Variants in SMAD3 observed in about 807,000 individuals in gnomAD.
SMAD3 encodes MAD homolog 3.
A neutral mutation model predicts 51.8 loss-of-function variants in SMAD3; 12 were observed. The ratio of observed to expected loss-of-function variants is 0.23; its 90% confidence interval spans 0.15 to 0.38. SMAD3 has a LOEUF of 0.38. SMAD3 is among the 10% of genes least tolerant of loss of function. The pLI, the probability that SMAD3 is intolerant of heterozygous loss-of-function variation, is 1.00. For missense variants in SMAD3, 294 were observed against 565.6 expected (o/e 0.52, Z 4.87); for synonymous variants, 238 against 227.7 (o/e 1.05, Z -0.41).
chr15:67,138,764 A>C (rs1162807720), intron 1 of SMAD3, among the ~76,000 whole-genome samples: 1 of 152,236 alleles, frequency 6.6e-6, no homozygotes, highest in African/African-American at 2.4e-5. Flanking sequence ...CAAAAAGTCC[A>C]GCTGAGAATT....
At chr15:67,167,541 A>G (rs1209320630) in intron 4 of SMAD3, among the ~76,000 whole-genome samples, 2 of 152,118 alleles carry the variant, frequency 1.3e-5, no homozygotes, top group African/African-American at 4.8e-5. Context: ...AGTGGCCTTG[A>G]TCACCTCAAG....
intron 1 of SMAD3, among the ~76,000 whole-genome samples, chr15:67,106,059 C>CT (rs1960870833): frequency 1.3e-5 from 2 of 152,248 alleles, no homozygotes; most frequent in East Asian, 3.9e-4. Context: ...CCCAGAATAT[C>CT]TAAGTTCATC....
intron 1 of SMAD3, among the ~76,000 whole-genome samples, chr15:67,067,051 C>T (rs1205453177): frequency 6.6e-6 from 1 of 152,148 alleles, no homozygotes; most frequent in Non-Finnish European, 1.5e-5. Flanking sequence ...AAAATAGGGT[C>T]TTCTCCCACC....
At chr15:67,079,664 T>C (rs1388191669) in intron 1 of SMAD3, among the ~76,000 whole-genome samples, 1 of 152,182 alleles carries the variant, frequency 6.6e-6, no homozygotes, top group Non-Finnish European at 1.5e-5. Flanking sequence ...TCTTATTTAC[T>C]TACCTACAGT....
chr15:67,174,678 TGC>T (rs1962842124), intron 5 of SMAD3: 1 of 152,140 alleles, frequency 6.6e-6, no homozygotes. Flanking sequence ...TCACAGTCAG[TGC>T]GTCCCAAACC....
intron 1 of SMAD3, among the ~76,000 whole-genome samples, chr15:67,125,269 C>T (rs892546562): frequency 1.3e-5 from 2 of 152,238 alleles, no homozygotes; most frequent in African/African-American, 4.8e-5. Context: ...CTGATCCACC[C>T]GCTTCTTTCT....
Position 67,165,295 on chromosome 15 carries a change from C to A in SMAD3, c.443C>A (p.Ala148Asp), listed in dbSNP as rs2140294801. ...GTGCCACGCCACACAGAGATCCCGGCCGAGTTCCCCCCACTGGACGACTAC... is the reference window on the plus strand; with the variant it reads ...GTGCCACGCCACACAGAGATCCCGGACGAGTTCCCCCCACTGGACGACTAC... ...VLVPRHTEIP[A>D]EFPPLDDYSH... is the part of the protein sequence containing the mutation. Residue 148 changes from alanine (A) to aspartate (D), a missense_variant, in exon 3 of 9, where the codon GCC (alanine) becomes GAC (aspartate). Transcript: ENST00000327367. 6.2e-7 allele frequency: 1 copy of A among 1,614,214 alleles called. No individual in the cohort carries two copies. Among genetic ancestry groups the A allele is most frequent in the Non-Finnish European group, 8.5e-7 (1 of 1,180,030 alleles).
chr15:67,067,877 C>T (rs1263315982), intron 1 of SMAD3, among the ~76,000 whole-genome samples: 2 of 152,084 alleles, frequency 1.3e-5, no homozygotes, highest in Non-Finnish European at 2.9e-5. Context: ...GTTAATTCTT[C>T]TGTATTCCTT....
chr15:67,181,171 A>G (rs1595956359), intron 5 of SMAD3, 70 bp from the exon 6 acceptor site: 2 of 1,161,736 alleles, frequency 1.7e-6, no homozygotes, highest in Non-Finnish European at 2.6e-6. Context: ...CAGAGTGTCC[A>G]TGGGACCCCA....
intron 1 of SMAD3, among the ~76,000 whole-genome samples, chr15:67,135,274 C>A (rs1961629563): frequency 6.6e-6 from 1 of 152,214 alleles, no homozygotes; most frequent in Non-Finnish European, 1.5e-5. Context: ...GAGCTCTTCT[C>A]ACCCTGGGTC....
At chr15:67,093,139 A>G (rs1403540444) in intron 1 of SMAD3, among the ~76,000 whole-genome samples, 11 of 152,174 alleles carry the variant, frequency 7.2e-5, no homozygotes, top group Admixed American at 7.2e-4. Flanking sequence ...GCCACTTGTT[A>G]GAGGGGAAGG....
At chr15:67,139,357 A>G (rs1359326974) in intron 1 of SMAD3, among the ~76,000 whole-genome samples, 1 of 152,096 alleles carries the variant, frequency 6.6e-6, no homozygotes, top group African/African-American at 2.4e-5. Flanking sequence ...GCTTTTCCCC[A>G]CTGTGTCTGC....
intron 1 of SMAD3, among the ~76,000 whole-genome samples, chr15:67,115,823 A>G (rs1033538987): frequency 6.6e-6 from 1 of 152,254 alleles, no homozygotes. Flanking sequence ...GCTAGGAGTC[A>G]TGCATGAGAA....
intron 1 of SMAD3, among the ~76,000 whole-genome samples, chr15:67,156,225 G>A (rs916237987): frequency 6.6e-6 from 1 of 152,210 alleles, no homozygotes; most frequent in African/African-American, 2.4e-5. Context: ...CATAGCAGAT[G>A]GGAAATGTAA....
At chr15:67,117,170 G>C (rs1189486922) in intron 1 of SMAD3, among the ~76,000 whole-genome samples, 1 of 152,168 alleles carries the variant, frequency 6.6e-6, no homozygotes, top group East Asian at 1.9e-4. Context: ...GCTAGAAAGA[G>C]TAATAATCCT....
intron 5 of SMAD3, among the ~76,000 whole-genome samples, chr15:67,177,231 T>C (rs112029019): frequency 1.3e-5 from 2 of 152,094 alleles, no homozygotes; most frequent in Admixed American, 6.5e-5. Flanking sequence ...CCATAGACCA[T>C]GTCATGTTCC....
intron 1 of SMAD3, among the ~76,000 whole-genome samples, chr15:67,156,824 A>G (rs1291772626): frequency 6.6e-6 from 1 of 151,888 alleles, no homozygotes; most frequent in Non-Finnish European, 1.5e-5. Context: ...CGGGTGGGAG[A>G]GGGAAGTCCC....
At chr15:67,190,279 C>G in intron 8 of SMAD3, 134 bp from the exon 9 acceptor site, 2 of 798,478 alleles carry the variant, frequency 2.5e-6, no homozygotes, top group Non-Finnish European at 4.1e-6. Flanking sequence ...GTTACTGGTA[C>G]CGCTTCTAGG....
intron 4 of SMAD3, among the ~76,000 whole-genome samples, chr15:67,169,138 A>G (rs1471343444): frequency 1.3e-5 from 2 of 152,182 alleles, no homozygotes; most frequent in Non-Finnish European, 2.9e-5. Context: ...TATTATCCTC[A>G]TTTTATACCT....
Sources: gnomAD v4.1 joint callset for allele counts (sites outside exome capture counted in the v4.1 genomes callset) on GRCh38, gnomAD v4.1.1 for gene constraint, MANE v1.5 for transcripts, NCBI Gene and HGNC (gene_info 2026-07-23, HGNC 2026-07-21) for gene names.